Variants in AP4E1 observed in about 807,000 individuals in gnomAD.
The protein encoded by AP4E1 is AP-4 complex subunit epsilon-1.
In AP4E1, 56 loss-of-function variants were observed where a neutral mutation model predicts 128.2. That is an observed-to-expected ratio of 0.44 (90% CI 0.35 to 0.55). The LOEUF (loss-of-function observed/expected upper bound fraction) is 0.55. AP4E1 is among the 20% of genes least tolerant of loss of function. The pLI, the probability that AP4E1 is intolerant of heterozygous loss-of-function variation, is 0.00. For synonymous variants in AP4E1, 484 were observed against 473.1 expected (o/e 1.02, Z -0.30); for missense variants, 1,324 against 1,307.7 (o/e 1.01, Z -0.19).
At chr15:50,970,493 G>A (rs550385618) in intron 15 of AP4E1, among the ~76,000 whole-genome samples, 5 of 152,166 alleles carry the variant, frequency 3.3e-5, no homozygotes, top group Admixed American at 6.5e-5. Flanking sequence ...TACTGAATCA[G>A]GTTCTTTCTC....
chr15:50,908,512 C>T (rs1240761425), upstream of AP4E1: 4 of 389,900 alleles, frequency 1.0e-5, no homozygotes, highest in Non-Finnish European at 8.9e-6. Flanking sequence ...TGGGGGATTC[C>T]GGAACCGCTA....
chr15:50,964,223 CAT>C (rs747105754), intron 14 of AP4E1, among the ~76,000 whole-genome samples: 55 of 152,278 alleles, frequency 3.6e-4, no homozygotes, highest in Non-Finnish European at 6.9e-4. Context: ...ATTTCAAAGA[CAT>C]GTCTTCAAAT....
intron 13 of AP4E1, among the ~76,000 whole-genome samples, chr15:50,955,162 A>G (rs1596481757): frequency 6.6e-6 from 1 of 152,290 alleles, no homozygotes; most frequent in East Asian, 1.9e-4. Flanking sequence ...GTGTCTTTAT[A>G]ACACCGTGAT....
intron 14 of AP4E1, among the ~76,000 whole-genome samples, chr15:50,963,816 G>A (rs763120399): frequency 1.8e-4 from 28 of 152,214 alleles, no homozygotes; most frequent in Non-Finnish European, 3.8e-4. Flanking sequence ...AGAATCGTAT[G>A]TACGCCAGAT....
intron 8 of AP4E1, among the ~76,000 whole-genome samples, chr15:50,940,714 A>G (rs1162692203): frequency 6.6e-6 from 1 of 152,192 alleles, no homozygotes; most frequent in African/African-American, 2.4e-5. Context: ...CGCATGACTC[A>G]TGCTTTTTCA....
At chr15:50,926,067 C>T (rs1001782516) in intron 5 of AP4E1, among the ~76,000 whole-genome samples, 2 of 152,048 alleles carry the variant, frequency 1.3e-5, no homozygotes, top group Non-Finnish European at 2.9e-5. Context: ...GACTGACTTA[C>T]TTTTCACTGT....
At chr15:50,939,222 C>G (rs1004419435) in intron 8 of AP4E1, among the ~76,000 whole-genome samples, 3 of 152,024 alleles carry the variant, frequency 2.0e-5, no homozygotes, top group Admixed American at 6.6e-5. Context: ...CCTGTAATCC[C>G]AGCACTTTGG....
chr15:50,927,191 G>A (rs954617654), intron 5 of AP4E1, among the ~76,000 whole-genome samples: 4 of 152,058 alleles, frequency 2.6e-5, no homozygotes, highest in Admixed American at 6.6e-5. Context: ...GAATTGAAAG[G>A]TCCCGTTTCA....
intron 15 of AP4E1, among the ~76,000 whole-genome samples, chr15:50,977,199 A>G (rs1002978961): frequency 1.3e-5 from 2 of 152,194 alleles, no homozygotes; most frequent in African/African-American, 4.8e-5. Flanking sequence ...TTCCGTTGTC[A>G]TACTTCCTTA....
intron 13 of AP4E1, among the ~76,000 whole-genome samples, chr15:50,953,637 AC>A (rs1206976334): frequency 6.6e-6 from 1 of 152,142 alleles, no homozygotes; most frequent in East Asian, 1.9e-4. Context: ...ATTGTAGTAA[AC>A]CTTTATTTAC....
intron 3 of AP4E1, 135 bp downstream of exon 3, chr15:50,915,706 A>G: frequency 9.0e-7 from 1 of 1,116,472 alleles, no homozygotes; most frequent in Middle Eastern, 3.0e-4. Flanking sequence ...TTAAAAGATC[A>G]CACTTCAGAA....
Position 50,993,432 on chromosome 15 carries a change from A to G in AP4E1, c.2153A>G (p.Lys718Arg). 1 of 1,614,030 alleles carries G rather than the reference A, an allele frequency of 6.2e-7. No individual in the cohort carries two copies. Among genetic ancestry groups the G allele is most frequent in the Non-Finnish European group, 8.5e-7 (1 of 1,179,970 alleles). The change falls in exon 17 of 21, where the codon AAG becomes AGG. Residue 718 changes from lysine (K) to arginine (R), a missense_variant. Lys to Arg is a conservative substitution (Grantham distance 26, BLOSUM62 2). Transcript: ENST00000261842. The stretch of plus-strand genomic sequence containing the variant: ...TGGGGGAAAGAAGGCTATCTTCCCA[A>G]GAAGGAAAGCAAAACTGGTGATGAA... Reference protein sequence around the residue: ...KLWGKEGYLPKKESKTGDESG... With the variant: ...KLWGKEGYLPRKESKTGDESG...
chr15:50,933,578 T>A (rs59798270), intron 7 of AP4E1, among the ~76,000 whole-genome samples: 2 of 151,698 alleles, frequency 1.3e-5, no homozygotes, highest in African/African-American at 2.4e-5. Flanking sequence ...CAATTTTTTT[T>A]GGGGGGCAGG....
Position 51,001,042 on chromosome 15 carries a change from A to C in AP4E1, c.3112A>C (p.Ser1038Arg). ...LDFIRPLKIS[S>R]DDFGKLWLSF... ...TATTTTCAGACCATTAAAAATCTCA[A>C]GTGACGACTTTGGGAAACTCTGGTT... is the stretch of plus-strand genomic sequence containing the variant. The change falls in exon 20 of 21, where the codon AGT becomes CGT. Residue 1038 changes from serine to arginine, a missense_variant. Physicochemically the swap from Ser to Arg is moderately radical, Grantham distance 110. Coordinates refer to ENST00000261842, the MANE Select transcript of AP4E1 (RefSeq NM_007347.5). 1 of 1,612,402 alleles carries C rather than the reference A, an allele frequency of 6.2e-7. No homozygotes were observed. The highest frequency in any genetic ancestry group is 8.5e-7 in the Non-Finnish European group (1 of 1,178,802).
intron 1 of AP4E1, among the ~76,000 whole-genome samples, chr15:50,910,595 A>C (rs919478593): frequency 4.6e-5 from 7 of 152,228 alleles, no homozygotes; most frequent in Non-Finnish European, 1.0e-4. Flanking sequence ...AGCTCTAATA[A>C]GTTGATGCTA....
At chr15:51,002,278 G>A (rs759608774) in intron 20 of AP4E1, among the ~76,000 whole-genome samples, 7 of 152,062 alleles carry the variant, frequency 4.6e-5, no homozygotes, top group African/African-American at 7.2e-5. Flanking sequence ...GTTTCTCCAC[G>A]TCTTCATCAT....
intron 14 of AP4E1, among the ~76,000 whole-genome samples, chr15:50,965,792 G>A (rs1352977494): frequency 6.6e-6 from 1 of 152,016 alleles, no homozygotes; most frequent in African/African-American, 2.4e-5. Flanking sequence ...CACCATTTTG[G>A]AGCTTGATCA....
intron 15 of AP4E1, among the ~76,000 whole-genome samples, chr15:50,973,042 G>A (rs74691644): frequency 0.046 from 6,972 of 152,248 alleles, 517 homozygotes; most frequent in African/African-American, 0.16. Context: ...GGGAAAATAC[G>A]TCTGTCATGA....
At chr15:50,909,174 G>C (rs1596447754) in intron 1 of AP4E1, among the ~76,000 whole-genome samples, 1 of 152,268 alleles carries the variant, frequency 6.6e-6, no homozygotes, top group Non-Finnish European at 1.5e-5. Flanking sequence ...GCACATCTCT[G>C]TAACCTCTGA....
Sources: allele counts gnomAD v4.1 joint callset (sites outside exome capture counted in the v4.1 genomes callset), GRCh38; gene constraint gnomAD v4.1.1; transcripts MANE v1.5; gene names NCBI Gene and HGNC (gene_info 2026-07-23, HGNC 2026-07-21).